The following LDLRAD4 variants were observed in gnomAD, a reference collection of about 807,000 sequenced individuals.
LDLRAD4 encodes the protein low density lipoprotein receptor class A domain containing 4.
Under a neutral mutation model 17.0 loss-of-function variants are expected in LDLRAD4, and 5 were observed. That is an observed-to-expected ratio of 0.29 (90% CI 0.15 to 0.62). LDLRAD4 has a LOEUF of 0.62. LDLRAD4 is among the 20% of genes least tolerant of loss of function. The pLI is 0.84. For missense variants in LDLRAD4, 340 were observed against 424.7 expected (o/e 0.80, Z 1.75); for synonymous variants, 168 against 171.8 (o/e 0.98, Z 0.17).
chr18:13,324,546 A>AAGCGGCCTGTGGGTTTATT (rs2143490541), intron 1 of LDLRAD4, among the ~76,000 whole-genome samples: 1 of 152,172 alleles, frequency 6.6e-6, no homozygotes, highest in Non-Finnish European at 1.5e-5. Flanking sequence ...GAAGAGGGAG[A>AAGCGGCCTGTGGGTTTATT]AGCGGCCTGT....
chr18:13,407,879 A>G (rs1047780985), intron 2 of LDLRAD4, among the ~76,000 whole-genome samples: 1 of 152,220 alleles, frequency 6.6e-6, no homozygotes, highest in East Asian at 1.9e-4. Context: ...TAATTGTTCT[A>G]AGAACTCCAT....
chr18:13,223,467 C>T (rs978800860), intron 1 of LDLRAD4, among the ~76,000 whole-genome samples: 5 of 152,092 alleles, frequency 3.3e-5, no homozygotes, highest in Admixed American at 2.6e-4. Flanking sequence ...GCTGGCCTGG[C>T]TGCTGGGATT....
Position 13,550,646 on chromosome 18 carries a change from G to A in LDLRAD4, c.182-70471G>A, listed in dbSNP as rs148425993. Among the ~76,000 whole-genome samples the A allele has an allele frequency of 6.0e-4, 91 of 152,332 alleles. 2 individuals carry two copies. In the South Asian group the frequency reaches 0.01, roughly 17 times the overall value. ...CCCGCCGAGCAGCCTTCCACAGTGGGTTTAGGAAATGGCAGCCTTGGGAGC... is the reference window on the plus strand; with the variant it reads ...CCCGCCGAGCAGCCTTCCACAGTGGATTTAGGAAATGGCAGCCTTGGGAGC... On this transcript the variant is annotated intron_variant, in intron 3 of 5. Coordinates refer to ENST00000359446, the Ensembl canonical transcript of LDLRAD4.
chr18:13,376,323 G>A (rs776251495), intron 1 of LDLRAD4, among the ~76,000 whole-genome samples: 34 of 152,182 alleles, frequency 2.2e-4, no homozygotes, highest in African/African-American at 5.1e-4. Context: ...ATGACTTTCC[G>A]TGCAGAGGAA....
intron 3 of LDLRAD4, among the ~76,000 whole-genome samples, chr18:13,610,669 A>G (rs183245746): frequency 1.3e-5 from 2 of 152,302 alleles, no homozygotes; most frequent in Non-Finnish European, 2.9e-5. Context: ...GGGCAAGCCT[A>G]TCATGTGACT....
At chr18:13,395,451 G>A (rs1192308485) in intron 2 of LDLRAD4, among the ~76,000 whole-genome samples, 1 of 75,620 alleles carries the variant, frequency 1.3e-5, no homozygotes, top group Non-Finnish European at 2.6e-5. Flanking sequence ...GTGTGGAGGT[G>A]GGGGCTGGCG....
At chr18:13,437,508 A>AT (rs1240844409) in intron 2 of LDLRAD4, among the ~76,000 whole-genome samples, 2 of 152,164 alleles carry the variant, frequency 1.3e-5, no homozygotes, top group African/African-American at 4.8e-5. Flanking sequence ...ACTGAATTCC[A>AT]TTTTCAAATA....
At chr18:13,553,927 T>C (rs1601338785) in intron 3 of LDLRAD4, among the ~76,000 whole-genome samples, 1 of 152,294 alleles carries the variant, frequency 6.6e-6, no homozygotes, top group East Asian at 1.9e-4. Context: ...ATCTGTGCAG[T>C]TAATTAGTGA....
chr18:13,494,775 G>T (rs1317416092), intron 3 of LDLRAD4, among the ~76,000 whole-genome samples: 1 of 147,762 alleles, frequency 6.8e-6, no homozygotes, highest in East Asian at 2.0e-4. Context: ...TGCCCCTAGC[G>T]CCTCCCAGGA....
chr18:13,486,342 T>A (rs1337305931), intron 3 of LDLRAD4: 1 of 152,182 alleles, frequency 6.6e-6, no homozygotes, highest in Non-Finnish European at 1.5e-5. Flanking sequence ...CTCCAAAGAG[T>A]TGGGAATGTA....
At chr18:13,496,242 A>G (rs1041255984) in intron 3 of LDLRAD4, among the ~76,000 whole-genome samples, 1 of 152,196 alleles carries the variant, frequency 6.6e-6, no homozygotes, top group African/African-American at 2.4e-5. Flanking sequence ...GTTCAGGAAG[A>G]TGGTGGAGTC....
chr18:13,445,012 C>T (rs142077378), intron 3 of LDLRAD4, among the ~76,000 whole-genome samples: 315 of 152,320 alleles, frequency 2.1e-3, no homozygotes, highest in African/African-American at 7.4e-3. Context: ...CCCAAACCAA[C>T]CAAAGTAGAA....
intron 1 of LDLRAD4, among the ~76,000 whole-genome samples, chr18:13,233,549 G>A (rs2042187913): frequency 1.3e-5 from 2 of 152,144 alleles, no homozygotes; most frequent in Non-Finnish European, 2.9e-5. Context: ...CCTTCTCTAA[G>A]CAAAGATGTC....
At chr18:13,266,766 C>T (rs2044243888) in intron 1 of LDLRAD4, among the ~76,000 whole-genome samples, 1 of 152,264 alleles carries the variant, frequency 6.6e-6, no homozygotes, top group African/African-American at 2.4e-5. Flanking sequence ...GTCCTGTCCC[C>T]ACACTACCCT....
intron 1 of LDLRAD4, among the ~76,000 whole-genome samples, chr18:13,373,383 C>T (rs899344137): frequency 4.6e-5 from 7 of 152,040 alleles, no homozygotes; most frequent in South Asian, 4.1e-4. Flanking sequence ...TGAAAATGTG[C>T]GTCACAGACT....
intron 1 of LDLRAD4, among the ~76,000 whole-genome samples, chr18:13,340,698 A>G (rs972253390): frequency 2.6e-5 from 4 of 152,050 alleles, no homozygotes; most frequent in African/African-American, 7.2e-5. Context: ...CACTTTCTTG[A>G]TATGTCTTTG....
chr18:13,292,264 A>G (rs1056901533), intron 1 of LDLRAD4, among the ~76,000 whole-genome samples: 1 of 152,206 alleles, frequency 6.6e-6, no homozygotes, highest in Non-Finnish European at 1.5e-5. Context: ...TGCTGTGCTC[A>G]TAGACTGTCT....
chr18:13,584,597 A>C (rs2094910388), intron 3 of LDLRAD4, among the ~76,000 whole-genome samples: 1 of 152,098 alleles, frequency 6.6e-6, no homozygotes, highest in African/African-American at 2.4e-5. Context: ...CGGTGGAGGG[A>C]TGGCTACAAA....
intron 3 of LDLRAD4, among the ~76,000 whole-genome samples, chr18:13,441,692 G>A (rs2091032082): frequency 6.6e-6 from 1 of 152,214 alleles, no homozygotes. Context: ...ATGAATTAAA[G>A]TTAACAAGAA....
Sources: allele counts gnomAD v4.1 joint callset (sites outside exome capture counted in the v4.1 genomes callset), GRCh38; gene constraint gnomAD v4.1.1; transcripts MANE v1.5; gene names NCBI Gene and HGNC (gene_info 2026-07-23, HGNC 2026-07-21).